Variants in GNG4 observed in about 807,000 individuals in gnomAD.
GNG4 encodes G protein subunit gamma 4.
GNG4 carries 4 observed loss-of-function variants against 5.8 expected under a neutral mutation model. That is an observed-to-expected ratio of 0.69 (90% CI 0.34 to 1.57). GNG4 has a LOEUF of 1.57. Ranked by LOEUF, GNG4 falls within the 40% of genes most tolerant of loss-of-function variation. The pLI is 0.06. For synonymous variants in GNG4, 29 were observed against 32.9 expected, an observed-to-expected ratio of 0.88 and a Z score of 0.41; for missense variants, 96 against 95.1, an observed-to-expected ratio of 1.01 and a Z score of -0.04.
intron 2 of GNG4, among the ~76,000 whole-genome samples, chr1:235,590,751 C>T (rs917581096): frequency 2.0e-5 from 3 of 152,248 alleles, no homozygotes; most frequent in East Asian, 1.9e-4. Flanking sequence ...CCTGGACGTC[C>T]GTATTTTACA....
chr1:235,605,956 G>T lies in GNG4; in HGVS notation c.-122-10445C>A, dbSNP rs1011598195. Among the ~76,000 whole-genome samples, 4 of 80,802 alleles carry T rather than the reference G, an allele frequency of 5.0e-5. 1 individual carries two copies. Among genetic ancestry groups the T allele is most frequent in the East Asian group, 2.9e-4 (1 of 3,426 alleles). The allele number at this position is 80,802 out of a possible 152,430, so 53.0% of individuals were successfully genotyped here. On this transcript the variant is annotated intron_variant, in intron 1 of 3. Coordinates refer to ENST00000391854, the MANE Select transcript of GNG4 (RefSeq NM_001098722.2). ...ATTTTATTTTTTTGATTGAGAGTGT[G>T]GGGGGGTGGGTCTCACTGTGTTGCC...
intron 3 of GNG4, among the ~76,000 whole-genome samples, chr1:235,577,107 C>T (rs1687502266): frequency 6.6e-6 from 1 of 152,178 alleles, no homozygotes; most frequent in African/African-American, 2.4e-5. Flanking sequence ...TTCCTTCCTC[C>T]TTAGAAACTC....
rs189361808 is a variant in GNG4 at position 235,642,957 on chromosome 1, T to A, written c.-123+6705A>T. Among the ~76,000 whole-genome samples, 1 of 152,286 alleles carries A rather than the reference T, an allele frequency of 6.6e-6. No individual in the cohort carries two copies. Among genetic ancestry groups the A allele is most frequent in the Admixed American group, 6.5e-5 (1 of 15,298 alleles). The stretch of plus-strand genomic sequence containing the variant: ...ACCCCTCGTCCATCCATGCTCAGTC[T>A]GGAAACCCTGGGATCCCAGACACCA... On this transcript the variant is annotated intron_variant, in intron 1 of 3. Transcript: ENST00000391854. This position sits in a 1 kb window ranked among gnomAD's most constrained non-coding sequence, Gnocchi z 4.3.
intron 3 of GNG4, among the ~76,000 whole-genome samples, chr1:235,570,862 A>ATGTGTGTGTGTGTGTG (rs1553365373): frequency 7.1e-6 from 1 of 141,542 alleles, no homozygotes; most frequent in African/African-American, 2.6e-5. Flanking sequence ...ATATATATAT[A>ATGTGTGTGTGTGTGTG]TGTGTGTGTG....
In GNG4 at chr1:235,579,096, C is replaced by CAA. The variant is rs779380298; in HGVS notation, c.99+4642_99+4643dup. On this transcript the variant is annotated intron_variant, in intron 3 of 3. Coordinates refer to ENST00000391854, the MANE Select transcript of GNG4 (RefSeq NM_001098722.2). ...TGGGTGACAGAGCAAGACTCCATCT[C>CAA]AAAAAAAAAAAAAAAAAATTCAGTT... Among the ~76,000 whole-genome samples the CAA allele has an allele frequency of 7.1e-4, 51 of 71,426 alleles. 1 individual carries two copies. Among genetic ancestry groups the CAA allele is most frequent in the African/African-American group, 2.2e-3 (46 of 20,512 alleles). 46.9% of individuals were successfully genotyped at this position (71,426 alleles called of 152,430 possible).
intron 3 of GNG4, among the ~76,000 whole-genome samples, chr1:235,581,787 T>C (rs1687643446): frequency 1.3e-5 from 2 of 152,216 alleles, no homozygotes; most frequent in African/African-American, 4.8e-5. Context: ...GTAACTCATT[T>C]GTCTTTGACT....
At chr1:235,647,340 C>T (rs535613416) in intron 1 of GNG4, among the ~76,000 whole-genome samples, 1 of 151,922 alleles carries the variant, frequency 6.6e-6, no homozygotes, top group Non-Finnish European at 1.5e-5. Flanking sequence ...AAAGTTACTA[C>T]TTCAAAATTC....
chr1:235,629,940 C>A (rs961623675), intron 1 of GNG4, among the ~76,000 whole-genome samples: 4 of 152,216 alleles, frequency 2.6e-5, no homozygotes, highest in Non-Finnish European at 5.9e-5. Context: ...GACCTGAGCA[C>A]TCCCCTTCAT....
intron 1 of GNG4, among the ~76,000 whole-genome samples, chr1:235,627,514 C>G (rs544432410): frequency 1.2e-4 from 18 of 152,268 alleles, no homozygotes; most frequent in Admixed American, 1.2e-3. Flanking sequence ...AGCCACCGCA[C>G]CTGGCCGACA....
chr1:235,585,225 TCCTTC>T lies in GNG4; in HGVS notation c.-10-1382_-10-1378del, dbSNP rs919741541. Reference sequence around the variant, plus strand: ...TTTTTCCTTTTCCTTTCCTTTCCTTTCCTTCCCCTTCCCTTCTTCCTTCCTTCCTT... The same window carrying T: ...TTTTTCCTTTTCCTTTCCTTTCCTTTCCCTTCCCTTCTTCCTTCCTTCCTT... On this transcript the variant is annotated intron_variant, in intron 2 of 3. Transcript: ENST00000391854. Among the ~76,000 whole-genome samples the T allele has an allele frequency of 8.6e-5, 13 of 151,750 alleles. No individual in the cohort carries two copies. The East Asian group carries it at 1.8e-3, about 20-fold the overall frequency.
At chr1:235,584,359 A>T (rs1687711881) in intron 2 of GNG4, among the ~76,000 whole-genome samples, 1 of 152,224 alleles carries the variant, frequency 6.6e-6, no homozygotes, top group Admixed American at 6.5e-5. Flanking sequence ...ACTCAAACTC[A>T]AAGCTTTGAA....
chr1:235,579,862 A>AAAAAAAAAAT (rs57019025), intron 3 of GNG4, among the ~76,000 whole-genome samples: 5 of 108,580 alleles, frequency 4.6e-5, no homozygotes, highest in African/African-American at 7.7e-5. Context: ...CAAAAAAAAA[A>AAAAAAAAAAT]AGGTAAAAAG....
rs1268224052 is a variant in GNG4 at position 235,649,093 on chromosome 1, G to T, written c.-123+569C>A. 6.6e-6 allele frequency among the ~76,000 whole-genome samples: 1 copy of T among 152,136 alleles called. No individual in the cohort carries two copies. Among genetic ancestry groups the T allele is most frequent in the Non-Finnish European group, 1.5e-5 (1 of 68,022 alleles). Reference sequence around the variant, plus strand: ...TTCAGCACCAGCCTCGGGGACAGACGCCATCAAGGAGGTGAGGAAAACCAC... The same window carrying T: ...TTCAGCACCAGCCTCGGGGACAGACTCCATCAAGGAGGTGAGGAAAACCAC... On this transcript the variant is annotated intron_variant, in intron 1 of 3. Coordinates refer to ENST00000391854, the MANE Select transcript of GNG4 (RefSeq NM_001098722.2). This position sits in a 1 kb window ranked among gnomAD's most constrained non-coding sequence, Gnocchi z 5.7.
chr1:235,635,096 G>C (rs1285066965), intron 1 of GNG4, among the ~76,000 whole-genome samples: 1 of 152,174 alleles, frequency 6.6e-6, no homozygotes, highest in African/African-American at 2.4e-5. Flanking sequence ...GAAATGGAAG[G>C]ATTTTGCAAA....
rs1017066202 is a variant in GNG4, at chr1:235,649,511, A to G, written c.-123+151T>C. 1.3e-5 allele frequency among the ~76,000 whole-genome samples: 2 copies of G among 151,994 alleles called. No individual in the cohort carries two copies. The highest frequency in any genetic ancestry group is 2.9e-5 in the Non-Finnish European group (2 of 67,982). On this transcript the variant is annotated intron_variant, in intron 1 of 3. Transcript: ENST00000391854. The surrounding 1 kb of genome is among the most constrained non-coding windows in gnomAD (Gnocchi z 5.7). ...AACCACAGGTCTTTGTGTCGCGTGC[A>G]GCAGCAGCTGGCGGCGTGAGGACCA...
At chr1:235,607,090 C>T (rs543061110) in intron 1 of GNG4, among the ~76,000 whole-genome samples, 10 of 151,924 alleles carry the variant, frequency 6.6e-5, no homozygotes, top group African/African-American at 2.4e-4. Context: ...AGGTGCGCAC[C>T]ACCACACCCA....
At chr1:235,563,432 A>G (rs1242324035) in intron 3 of GNG4, among the ~76,000 whole-genome samples, 1 of 132,500 alleles carries the variant, frequency 7.5e-6, no homozygotes, top group Non-Finnish European at 1.6e-5. Flanking sequence ...AAAAAAAAAA[A>G]GCGTTTTATC....
intron 3 of GNG4, among the ~76,000 whole-genome samples, chr1:235,570,927 C>CATATAT (rs575887309): frequency 2.5e-5 from 3 of 118,900 alleles, no homozygotes; most frequent in Admixed American, 9.4e-5. Context: ...TATATATACA[C>CATATAT]ACACACACAC....
chr1:235,639,484 C>T (rs920885494), intron 1 of GNG4, among the ~76,000 whole-genome samples: 2 of 152,202 alleles, frequency 1.3e-5, no homozygotes, highest in African/African-American at 2.4e-5. Context: ...CTTCCCTGTC[C>T]TTCTGGGCCG....
Sources: allele counts gnomAD v4.1 joint callset (sites outside exome capture counted in the v4.1 genomes callset), GRCh38; gene constraint gnomAD v4.1.1; non-coding constraint Gnocchi (gnomAD v3.1); transcripts MANE v1.5; gene names NCBI Gene and HGNC (gene_info 2026-07-23, HGNC 2026-07-21).